Variants in FBXO2 observed in about 807,000 individuals in gnomAD.
FBXO2 encodes F-box only protein 2.
Under a neutral mutation model 38.6 loss-of-function variants are expected in FBXO2, and 32 were observed. That is an observed-to-expected ratio of 0.83 (90% CI 0.62 to 1.11). The LOEUF (loss-of-function observed/expected upper bound fraction) is 1.11. Ranked by LOEUF, FBXO2 falls within the 50% of genes most tolerant of loss-of-function variation. FBXO2 has a pLI of 0.00. For synonymous variants in FBXO2, 189 were observed against 182.9 expected (o/e 1.03, Z -0.27); for missense variants, 450 against 418.3 (o/e 1.08, Z -0.66).
chr1:11,648,718 G>C lies in FBXO2; in HGVS notation c.867C>G (p.Asn289Lys). The C allele has an allele frequency of 6.2e-7, 1 of 1,613,396 alleles. No homozygotes were observed. The highest frequency in any genetic ancestry group is 1.1e-5 in the South Asian group (1 of 91,082). The change falls in exon 6 of 6, where the codon AAC becomes AAG. Residue 289 changes from asparagine (N) to lysine (K), a missense_variant. Transcript: ENST00000354287. This position sits in a 1 kb window ranked among gnomAD's most constrained non-coding sequence, Gnocchi z 4.2. ...CTCAGGGTTCTACCCACACGCTGCTGTTGGTCACCCGGGCCCCGAACCAGC... is the reference window on the plus strand; with the variant it reads ...CTCAGGGTTCTACCCACACGCTGCTCTTGGTCACCCGGGCCCCGAACCAGC... ...WKGWFGARVT[N>K]SSVWVEP
intron 4 of FBXO2, chr1:11,649,545 T>C (rs1639477548): frequency 1.7e-6 from 1 of 593,184 alleles, no homozygotes; most frequent in Non-Finnish European, 3.0e-6. Context: ...ATTACATATA[T>C]ACAAACATAT....
At position 11,650,850 on chromosome 1, in the gene FBXO2, G is replaced by T; in HGVS notation, c.23-16C>A. On this transcript the variant is annotated splice_polypyrimidine_tract_variant and intron_variant, in intron 1 of 5. Transcript: ENST00000354287. The stretch of plus-strand genomic sequence containing the variant: ...CCCACGCTCTCTGCAGGCAGGGATG[G>T]GTGGGAGGCTGTGATTCCTCCACCC... The T allele has an allele frequency of 6.4e-7, 1 of 1,556,790 alleles. No homozygotes were observed. The highest frequency in any genetic ancestry group is 8.6e-7 in the Non-Finnish European group (1 of 1,158,194).
At chr1:11,650,198 G>C (rs1639490456) in intron 2 of FBXO2, 124 bp from the exon 3 acceptor site, 2 of 1,447,560 alleles carry the variant, frequency 1.4e-6, no homozygotes. Flanking sequence ...TGATGAATGA[G>C]AGGGTGGACC....
intron 1 of FBXO2, among the ~76,000 whole-genome samples, chr1:11,651,691 G>C (rs78285627): frequency 3.3e-5 from 5 of 150,030 alleles, no homozygotes; most frequent in Admixed American, 2.7e-4. Flanking sequence ...AGTAGGCAGT[G>C]TTAGGATTTT....
At position 11,648,873 on chromosome 1, in the gene FBXO2, C is replaced by A. The variant is rs764723868; in HGVS notation, c.757-45G>T. On this transcript the variant is annotated intron_variant, in intron 5 of 5. Coordinates refer to ENST00000354287, the MANE Select transcript of FBXO2 (RefSeq NM_012168.6). The surrounding 1 kb of genome is among the most constrained non-coding windows in gnomAD (Gnocchi z 4.2). ...GAGTCAGCCTCGGAGGTCCTGAGGCCTCTCCTGCCGCCCCACCCCGGTACA... is the reference window on the plus strand; with the variant it reads ...GAGTCAGCCTCGGAGGTCCTGAGGCATCTCCTGCCGCCCCACCCCGGTACA... The A allele has an allele frequency of 1.5e-5, 24 of 1,605,562 alleles. No homozygotes were observed. Among genetic ancestry groups the A allele is most frequent in the Non-Finnish European group, 2.0e-5 (23 of 1,174,414 alleles).
intron 1 of FBXO2, among the ~76,000 whole-genome samples, chr1:11,651,619 G>A (rs1639521343): frequency 6.6e-6 from 1 of 152,140 alleles, no homozygotes. Flanking sequence ...TTTGAACCCA[G>A]ACAGCCTGGC....
At chr1:11,654,246 C>G in intron 1 of FBXO2, 73 bp downstream of exon 1, 2 of 1,451,732 alleles carry the variant, frequency 1.4e-6, no homozygotes, top group Non-Finnish European at 1.8e-6. Flanking sequence ...TCTCTGACGC[C>G]CCTCTGTGCA....
chr1:11,648,977 C>G lies in FBXO2; in HGVS notation c.756+110G>C. ...TCCACCACCCGGTGACTATCTCAGCCCAGCCCAGCCCAGCCCACCCCAGCC... is the reference window on the plus strand; with the variant it reads ...TCCACCACCCGGTGACTATCTCAGCGCAGCCCAGCCCAGCCCACCCCAGCC... On this transcript the variant is annotated intron_variant, in intron 5 of 5. Coordinates refer to ENST00000354287, the MANE Select transcript of FBXO2 (RefSeq NM_012168.6). This position sits in a 1 kb window ranked among gnomAD's most constrained non-coding sequence, Gnocchi z 4.2. 7.6e-7 allele frequency: 1 copy of G among 1,314,176 alleles called. No individual in the cohort carries two copies. Among genetic ancestry groups the G allele is most frequent in the Non-Finnish European group, 1.0e-6 (1 of 953,010 alleles). The allele number at this position is 1,314,176 out of a possible 1,614,324, so 81.4% of individuals were successfully genotyped here.
intron 2 of FBXO2, 24 bp downstream of exon 2, chr1:11,650,442 G>A (rs1258341620): frequency 6.2e-7 from 1 of 1,600,704 alleles, no homozygotes; most frequent in African/African-American, 1.3e-5. Flanking sequence ...GGGAAGCTGA[G>A]CTCGCCCAGC....
chr1:11,649,619 G>T, intron 4 of FBXO2, 160 bp downstream of exon 4: 1 of 675,836 alleles, frequency 1.5e-6, no homozygotes, highest in Non-Finnish European at 2.5e-6. Flanking sequence ...AGGTTCTCCT[G>T]CAAACACGGA....
At chr1:11,652,219 A>C (rs910149439) in intron 1 of FBXO2, among the ~76,000 whole-genome samples, 1 of 152,188 alleles carries the variant, frequency 6.6e-6, no homozygotes, top group Non-Finnish European at 1.5e-5. Context: ...GGAAGGGGAC[A>C]TGGGACCTGG....
At position 11,649,962 on chromosome 1, in the gene FBXO2, G is replaced by GTAC; in HGVS notation, c.501_503dup (p.Lys167_Tyr168insTer). ...CTCCTTACTCAAAGGAGGAGGCGAA[G>GTAC]TACTTCTTGACGCTCTCATCGTGGG... On this transcript the variant is annotated stop_gained, in exon 3 of 6. Coordinates refer to ENST00000354287, the MANE Select transcript of FBXO2 (RefSeq NM_012168.6). LOFTEE classifies it high-confidence loss of function. The GTAC allele has an allele frequency of 6.2e-7, 1 of 1,613,996 alleles. No individual in the cohort carries two copies. The highest frequency in any genetic ancestry group is 8.5e-7 in the Non-Finnish European group (1 of 1,180,010).
chr1:11,654,368 G>A lies in FBXO2; in HGVS notation c.-28C>T, dbSNP rs1639622238. ...CTGCGGAGGGCGGTCGCGAGAGGAG[G>A]AGCCGGAGCGCTGCGGGCTGCGCGA... On this transcript the variant is annotated 5_prime_UTR_variant, in exon 1 of 6. Transcript: ENST00000354287. 5.0e-6 allele frequency: 7 copies of A among 1,394,834 alleles called. No individual in the cohort carries two copies. The highest frequency in any genetic ancestry group is 6.2e-5 in the East Asian group (2 of 32,418). 86.4% of individuals were successfully genotyped at this position (1,394,834 alleles called of 1,614,324 possible).
Position 11,654,390 on chromosome 1 carries a change from G to T in FBXO2, c.-50C>A, listed in dbSNP as rs1639624293. On this transcript the variant is annotated 5_prime_UTR_variant, in exon 1 of 6. Coordinates refer to ENST00000354287, the MANE Select transcript of FBXO2 (RefSeq NM_012168.6). ...GAGGAGCCGGAGCGCTGCGGGCTGC[G>T]CGAGTCCCGGGGCGGCGAGTCCCGG... 1.5e-6 allele frequency: 2 copies of T among 1,351,022 alleles called. No homozygotes were observed. Among genetic ancestry groups the T allele is most frequent in the African/African-American group, 3.1e-5 (2 of 65,176 alleles). 83.7% of individuals were successfully genotyped at this position (1,351,022 alleles called of 1,614,324 possible).
In FBXO2 at chr1:11,650,754, G is replaced by A. The variant is rs778450432; in HGVS notation, c.103C>T (p.Gln35Ter). Residue 35 changes from glutamine to a stop codon, truncating the protein, a stop_gained, in exon 2 of 6, where the codon CAG becomes TAG. Transcript: ENST00000354287. LOFTEE classifies it high-confidence loss of function. ...ASAEEERPED[Q>*]QEEEAAAAAA... is the part of the protein sequence containing the mutation. ...GCGGCCGCCGCCTCCTCCTCCTGCT[G>A]GTCCTCCGGCCGCTCCTCCTCAGCA... 2 of 1,532,044 alleles carry A rather than the reference G, an allele frequency of 1.3e-6. No homozygotes were observed. The highest frequency in any genetic ancestry group is 1.2e-5 in the South Asian group (1 of 83,874). The allele number at this position is 1,532,044 out of a possible 1,614,324, so 94.9% of individuals were successfully genotyped here. A position where few individuals can be genotyped will look rare whatever the true frequency, so the allele number is the denominator to read the frequency against.
rs546493448 is a variant in FBXO2, at chr1:11,654,373, G to A, written c.-33C>T. ...GAGGGCGGTCGCGAGAGGAGGAGCC[G>A]GAGCGCTGCGGGCTGCGCGAGTCCC... On this transcript the variant is annotated 5_prime_UTR_variant, in exon 1 of 6. Transcript: ENST00000354287. 11 of 1,384,484 alleles carry A rather than the reference G, an allele frequency of 7.9e-6. No individual in the cohort carries two copies. The Admixed American group carries it at 1.1e-4, about 14-fold the overall frequency. 85.8% of individuals were successfully genotyped at this position (1,384,484 alleles called of 1,614,324 possible). A position where few individuals can be genotyped will look rare whatever the true frequency, so the allele number is the denominator to read the frequency against.
rs765552130 is a variant in FBXO2, at chr1:11,650,633, C to G, written c.224G>C (p.Cys75Ser). Residue 75 changes from cysteine to serine, a missense_variant, in exon 2 of 6, where the codon TGC (cysteine) becomes TCC (serine). By Grantham distance (112) the Cys-to-Ser change is moderately radical. Transcript: ENST00000354287. ...AELVQACRLV[C>S]LRWKELVDGA... ...GTCCACCAGCTCCTTCCAGCGCAGG[C>G]ACACCAGGCGGCAGGCCTGCACCAG... is the stretch of plus-strand genomic sequence containing the variant. 1.2e-5 allele frequency: 19 copies of G among 1,581,826 alleles called. No individual in the cohort carries two copies. Among genetic ancestry groups the G allele is most frequent in the Non-Finnish European group, 1.6e-5 (19 of 1,169,004 alleles).
Position 11,648,828 on chromosome 1 carries a change from T to C in FBXO2, c.757A>G (p.Ile253Val). The C allele has an allele frequency of 3.1e-6, 5 of 1,613,446 alleles. No individual in the cohort carries two copies. The South Asian group carries it at 3.3e-5, about 11-fold the overall frequency. Residue 253 changes from isoleucine (I) to valine (V), a missense_variant and splice_region_variant, in exon 6 of 6, where the codon ATC becomes GTC. Ile to Val is a conservative substitution (Grantham distance 29, BLOSUM62 3). Coordinates refer to ENST00000354287, the MANE Select transcript of FBXO2 (RefSeq NM_012168.6). This position sits in a 1 kb window ranked among gnomAD's most constrained non-coding sequence, Gnocchi z 4.2. ...CCGTAGTCGGTGAAGGTGTGGGAGA[T>C]CTGGGGGTGGAGGTAACAAGAGTCA... is the stretch of plus-strand genomic sequence containing the variant. Reference protein sequence around the residue: ...QDSDGGGWMEISHTFTDYGPG... With the variant: ...QDSDGGGWMEVSHTFTDYGPG...
chr1:11,648,706 CCA>C lies in FBXO2; in HGVS notation c.877_878del (p.Trp293GlyfsTer24). The part of the protein sequence containing the change: ...FGARVTNSSV[W>X]VEP Reference sequence around the variant, plus strand: ...GAGGCAGGGTCGCTCAGGGTTCTACCCACACGCTGCTGTTGGTCACCCGGGCC... The same window carrying C: ...GAGGCAGGGTCGCTCAGGGTTCTACCCACGCTGCTGTTGGTCACCCGGGCC... On this transcript the variant is annotated frameshift_variant, in exon 6 of 6. Coordinates refer to ENST00000354287, the MANE Select transcript of FBXO2 (RefSeq NM_012168.6). LOFTEE classifies it high-confidence loss of function. The surrounding 1 kb of genome is among the most constrained non-coding windows in gnomAD (Gnocchi z 4.2). 1 of 1,613,406 alleles carries C rather than the reference CCA, an allele frequency of 6.2e-7. No individual in the cohort carries two copies. Among genetic ancestry groups the C allele is most frequent in the Non-Finnish European group, 8.5e-7 (1 of 1,180,024 alleles).
Sources: allele counts gnomAD v4.1 joint callset (sites outside exome capture counted in the v4.1 genomes callset), GRCh38; gene constraint gnomAD v4.1.1; non-coding constraint Gnocchi (gnomAD v3.1); transcripts MANE v1.5; gene names NCBI Gene and HGNC (gene_info 2026-07-23, HGNC 2026-07-21).